Variants in AMACR observed in about 807,000 individuals in gnomAD.
AMACR encodes 2-methylacyl-CoA racemase.
In AMACR, 18 loss-of-function variants were observed where a neutral mutation model predicts 22.2. The ratio of observed to expected loss-of-function variants is 0.81; its 90% CI spans 0.56 to 1.20. The LOEUF (loss-of-function observed/expected upper bound fraction) is 1.20, where lower values mean the gene tolerates loss of function less well. Ranked by LOEUF, AMACR falls within the 50% of genes most tolerant of loss-of-function variation. AMACR has a pLI of 0.00. For missense variants in AMACR, 499 were observed against 490.6 expected, an observed-to-expected ratio of 1.02 and a Z score of -0.16; for synonymous variants, 213 against 191.3, an observed-to-expected ratio of 1.11 and a Z score of -0.94.
At chr5:33,999,795 G>A (rs928798230) in intron 3 of AMACR, among the ~76,000 whole-genome samples, 34 of 152,102 alleles carry the variant, frequency 2.2e-4, no homozygotes, top group Admixed American at 6.5e-5. Context: ...GAAATTTCAC[G>A]CACATCTGAA....
chr5:33,990,775 A>T (rs999734670), intron 4 of AMACR, among the ~76,000 whole-genome samples: 13 of 152,252 alleles, frequency 8.5e-5, no homozygotes, highest in Admixed American at 3.3e-4. Context: ...AGAGGTAAGA[A>T]GACATAAATA....
chr5:33,994,621 T>C (rs913013467), intron 4 of AMACR, among the ~76,000 whole-genome samples: 4 of 152,044 alleles, frequency 2.6e-5, no homozygotes, highest in Non-Finnish European at 4.4e-5. Context: ...ATGGACTAGG[T>C]AGATTAGGTG....
At chr5:33,991,843 C>A (rs1388372846) in intron 4 of AMACR, among the ~76,000 whole-genome samples, 1 of 151,664 alleles carries the variant, frequency 6.6e-6, no homozygotes, top group Non-Finnish European at 1.5e-5. Context: ...CAGGTTCACG[C>A]CATTCTTCCA....
chr5:33,994,759 G>T (rs253190), intron 4 of AMACR, among the ~76,000 whole-genome samples: 3 of 151,916 alleles, frequency 2.0e-5, no homozygotes, highest in African/African-American at 7.3e-5. Context: ...AGAGGGGGCT[G>T]TAAAAAAATC....
chr5:34,005,304 A>G lies in AMACR; in HGVS notation c.391+452T>C, dbSNP rs1047338500. 2.5e-5 allele frequency among the ~76,000 whole-genome samples: 3 copies of G among 121,822 alleles called. No individual in the cohort carries two copies. The Admixed American group carries it at 2.5e-4, about 10-fold the overall frequency. The allele number at this position is 121,822 out of a possible 152,430, so 79.9% of individuals were successfully genotyped here. A position where few individuals can be genotyped will look rare whatever the true frequency, so the allele number is the denominator to read the frequency against. The stretch of plus-strand genomic sequence containing the variant: ...AAAGTGATATTAGGACCTGAAAACC[A>G]TGGGCTTTTTTTAGTGCTCATAGAA... On this transcript the variant is annotated intron_variant, in intron 2 of 4. Transcript: ENST00000335606.
At chr5:34,000,465 C>A (rs1753784009) in intron 3 of AMACR, among the ~76,000 whole-genome samples, 1 of 151,734 alleles carries the variant, frequency 6.6e-6, no homozygotes, top group African/African-American at 2.4e-5. Context: ...AAATGAAATG[C>A]AATCTGAAAT....
At chr5:34,003,244 G>A (rs1187268545) in intron 3 of AMACR, among the ~76,000 whole-genome samples, 2 of 152,080 alleles carry the variant, frequency 1.3e-5, no homozygotes, top group African/African-American at 2.4e-5. Context: ...AAATAACTCC[G>A]AAATCTGTTT....
chr5:33,997,410 C>T, intron 4 of AMACR: 2 of 777,988 alleles, frequency 2.6e-6, no homozygotes, highest in East Asian at 2.4e-5. Flanking sequence ...CACAAAACCC[C>T]ATGACTTGGG....
In AMACR at chr5:34,005,808, T is replaced by A; in HGVS notation, c.339A>T (p.Ser113=). ...GGCCAGCTAACCGGCAGAAGCTTCC[T>A]GACTGGCCAAATCCACTCAGCCTGG... ...IYARLSGFGQ[S]GSFCRLAGHD... is the part of the protein sequence containing the mutation. Residue 113 remains serine, a synonymous_variant, in exon 2 of 5, where the codon TCA becomes TCT. Coordinates refer to ENST00000335606, the MANE Select transcript of AMACR (RefSeq NM_014324.6). 1 of 1,614,202 alleles carries A rather than the reference T, an allele frequency of 6.2e-7. No homozygotes were observed.
At chr5:33,999,623 T>C (rs1299791150) in intron 3 of AMACR, among the ~76,000 whole-genome samples, 2 of 152,234 alleles carry the variant, frequency 1.3e-5, no homozygotes, top group East Asian at 3.8e-4. Flanking sequence ...TTTATGAGCC[T>C]AATGTCTCCA....
Position 33,988,856 on chromosome 5 carries a change from C to G in AMACR, c.*237G>C, listed in dbSNP as rs971158950. On this transcript the variant is annotated 3_prime_UTR_variant, in exon 5 of 5. Coordinates refer to ENST00000335606, the MANE Select transcript of AMACR (RefSeq NM_014324.6). ...CAAATATATCAAGCAAACTGGAAGGCAGAATAACTACCATAATTTAGTATA... is the reference window on the plus strand; with the variant it reads ...CAAATATATCAAGCAAACTGGAAGGGAGAATAACTACCATAATTTAGTATA... 3 of 1,358,988 alleles carry G rather than the reference C, an allele frequency of 2.2e-6. No individual in the cohort carries two copies. In the South Asian group the frequency reaches 5.2e-5, roughly 24 times the overall value. The allele number at this position is 1,358,988 out of a possible 1,614,324, so 84.2% of individuals were successfully genotyped here. A position where few individuals can be genotyped will look rare whatever the true frequency, so the allele number is the denominator to read the frequency against.
chr5:33,991,053 G>T (rs1224053989), intron 4 of AMACR, among the ~76,000 whole-genome samples: 3 of 152,192 alleles, frequency 2.0e-5, no homozygotes, highest in Non-Finnish European at 4.4e-5. Context: ...AAAAAGTAGT[G>T]ATCTTCACAT....
At position 33,988,694 on chromosome 5, in the gene AMACR, A is replaced by T; in HGVS notation, c.*399T>A. On this transcript the variant is annotated 3_prime_UTR_variant, in exon 5 of 5. Coordinates refer to ENST00000335606, the MANE Select transcript of AMACR (RefSeq NM_014324.6). ...TGTTTCACGTGACTTTTATCACCAT[A>T]CAATTTGTGGCATTTCCTCATTTTC... The T allele has an allele frequency of 2.5e-6, 3 of 1,211,886 alleles. No homozygotes were observed. The highest frequency in any genetic ancestry group is 2.1e-6 in the Non-Finnish European group (2 of 971,182). The allele number at this position is 1,211,886 out of a possible 1,614,324, so 75.1% of individuals were successfully genotyped here.
chr5:33,993,439 T>G (rs1753543103), intron 4 of AMACR, among the ~76,000 whole-genome samples: 1 of 152,206 alleles, frequency 6.6e-6, no homozygotes, highest in South Asian at 2.1e-4. Context: ...GGTTATATAC[T>G]TAGAAGTGGA....
At chr5:34,000,211 C>A (rs1239395905) in intron 3 of AMACR, among the ~76,000 whole-genome samples, 1 of 152,156 alleles carries the variant, frequency 6.6e-6, no homozygotes, top group East Asian at 1.9e-4. Flanking sequence ...AAGTTAGCAC[C>A]TTCAATAAGC....
At chr5:33,998,110 T>A (rs747666671) in intron 4 of AMACR, among the ~76,000 whole-genome samples, 1 of 152,242 alleles carries the variant, frequency 6.6e-6, no homozygotes, top group Non-Finnish European at 1.5e-5. Flanking sequence ...CAAATTTTCT[T>A]GCTAATTTAT....
At chr5:33,990,961 C>T (rs1289701587) in intron 4 of AMACR, among the ~76,000 whole-genome samples, 1 of 152,230 alleles carries the variant, frequency 6.6e-6, no homozygotes, top group Non-Finnish European at 1.5e-5. Context: ...TCACTATAAT[C>T]TACAGGATGT....
At position 33,992,797 on chromosome 5, in the gene AMACR, G is replaced by A. The variant is rs529829279; in HGVS notation, c.740-3295C>T. 5.5e-4 allele frequency among the ~76,000 whole-genome samples: 84 copies of A among 151,758 alleles called. 1 individual carries two copies. The highest frequency in any genetic ancestry group is 1.9e-3 in the African/African-American group (77 of 41,438). The stretch of plus-strand genomic sequence containing the variant: ...GCCACATCCCATATTTTCCCAAACC[G>A]TAAGAACAAAGGAAAATTTTCCCTT... On this transcript the variant is annotated intron_variant, in intron 4 of 4. Transcript: ENST00000335606.
intron 4 of AMACR, among the ~76,000 whole-genome samples, chr5:33,991,729 A>T (rs111904155): frequency 6.7e-6 from 1 of 148,304 alleles, no homozygotes. Flanking sequence ...ACACTATTTT[A>T]TTATTATTAT....
Sources: gnomAD v4.1 joint callset for allele counts (sites outside exome capture counted in the v4.1 genomes callset) on GRCh38, gnomAD v4.1.1 for gene constraint, MANE v1.5 for transcripts, NCBI Gene and HGNC (gene_info 2026-07-23, HGNC 2026-07-21) for gene names.